Variants in CACNG7 observed in about 807,000 individuals in gnomAD.
CACNG7 encodes the protein voltage-dependent calcium channel gamma-7 subunit.
A neutral mutation model predicts 26.3 loss-of-function variants in CACNG7; 9 were observed. The ratio of observed to expected loss-of-function variants is 0.34; its 90% confidence interval spans 0.21 to 0.60. The LOEUF (loss-of-function observed/expected upper bound fraction) is 0.60. Among genes scored for constraint, CACNG7 ranks in the 20% least tolerant of loss-of-function variants. The probability of loss-of-function intolerance (pLI) is 0.81; values close to 1 mark genes in which losing one functional copy is unlikely to be tolerated. For missense variants in CACNG7, 297 were observed against 380.4 expected, an observed-to-expected ratio of 0.78 and a Z score of 1.82; for synonymous variants, 170 against 157.0, an observed-to-expected ratio of 1.08 and a Z score of -0.62.
At chr19:53,913,318 A>AT (rs2068872506) in intron 2 of CACNG7, among the ~76,000 whole-genome samples, 1 of 151,260 alleles carries the variant, frequency 6.6e-6, no homozygotes. Flanking sequence ...AATGGGCAAG[A>AT]TTAAAAAAAA....
chr19:53,923,359 GCCCCAGGTCTGGTCATTGGTGGAGTTGT>G (rs1568776222), intron 4 of CACNG7, among the ~76,000 whole-genome samples: 1 of 86,650 alleles, frequency 1.2e-5, no homozygotes, highest in African/African-American at 6.5e-5. Context: ...TGGTGGAGTT[GCCCCAGGTCTGGTCATTGGTGGAGTTGT>G]CCCCAGGTCT....
Position 53,922,336 on chromosome 19 carries a change from GT to G in CACNG7, c.424+6832del, listed in dbSNP as rs527515086. 3.5e-4 allele frequency among the ~76,000 whole-genome samples: 31 copies of G among 88,312 alleles called. 5 individuals are homozygous for G. Among genetic ancestry groups the G allele is most frequent in the African/African-American group, 1.6e-3 (28 of 17,478 alleles). 57.9% of individuals were successfully genotyped at this position (88,312 alleles called of 152,430 possible). ...CCCAGGTCTGGTCATTGGTGGAGTTGTCCCCAGGCCTGGTCATTGGTGGAGT... is the reference window on the plus strand; with the variant it reads ...CCCAGGTCTGGTCATTGGTGGAGTTGCCCCAGGCCTGGTCATTGGTGGAGT... On this transcript the variant is annotated intron_variant, in intron 4 of 5. Coordinates refer to ENST00000391767, the MANE Select transcript of CACNG7 (RefSeq NM_031896.5).
Position 53,909,692 on chromosome 19 carries a change from C to A in CACNG7, c.-30+175C>A, listed in dbSNP as rs1422833322. Among the ~76,000 whole-genome samples, 1 of 152,152 alleles carries A rather than the reference C, an allele frequency of 6.6e-6. No homozygotes were observed. The highest frequency in any genetic ancestry group is 1.5e-5 in the Non-Finnish European group (1 of 68,014). On this transcript the variant is annotated intron_variant, in intron 1 of 5. Coordinates refer to ENST00000391767, the MANE Select transcript of CACNG7 (RefSeq NM_031896.5). This position sits in a 1 kb window ranked among gnomAD's most constrained non-coding sequence, Gnocchi z 5.1. The stretch of plus-strand genomic sequence containing the variant: ...TGCAGGGACACCTGGGCCTGGCGAT[C>A]CCGGAGGACGGGGTCCGAGGGTCCC...
At chr19:53,914,273 C>CAAAAAAAAA (rs376053657) in intron 2 of CACNG7, among the ~76,000 whole-genome samples, 2 of 107,294 alleles carry the variant, frequency 1.9e-5, no homozygotes, top group East Asian at 2.6e-4. Flanking sequence ...GACTCCATCT[C>CAAAAAAAAA]AAAAAAAAAA....
chr19:53,918,285 C>T (rs955206680), intron 4 of CACNG7, among the ~76,000 whole-genome samples: 1 of 152,168 alleles, frequency 6.6e-6, no homozygotes, highest in Admixed American at 6.5e-5. Flanking sequence ...ATATTTTAGG[C>T]TACGTGAGCC....
Position 53,912,172 on chromosome 19 carries a change from C to T in CACNG7, c.-29-631C>T, listed in dbSNP as rs533478126. The stretch of plus-strand genomic sequence containing the variant: ...ATGCCCTGTGCTCTGGGATCTAGGT[C>T]CTGGCTCAGAGTTGAGGTTATTGAT... On this transcript the variant is annotated intron_variant, in intron 1 of 5. Coordinates refer to ENST00000391767, the MANE Select transcript of CACNG7 (RefSeq NM_031896.5). This position sits in a 1 kb window ranked among gnomAD's most constrained non-coding sequence, Gnocchi z 4.6. 8.5e-4 allele frequency among the ~76,000 whole-genome samples: 130 copies of T among 152,208 alleles called. 1 individual carries two copies. The highest frequency in any genetic ancestry group is 2.9e-3 in the African/African-American group (121 of 41,538).
At chr19:53,931,600 A>G (rs1012296629) in intron 4 of CACNG7, among the ~76,000 whole-genome samples, 5 of 149,444 alleles carry the variant, frequency 3.3e-5, no homozygotes, top group African/African-American at 1.2e-4. Context: ...AGGCAGGAGA[A>G]TCGCTTGAAC....
At chr19:53,918,625 G>T (rs895881902) in intron 4 of CACNG7, among the ~76,000 whole-genome samples, 1 of 152,160 alleles carries the variant, frequency 6.6e-6, no homozygotes, top group African/African-American at 2.4e-5. Flanking sequence ...GTAACAGTAA[G>T]CACTGAACAC....
Position 53,927,762 on chromosome 19 carries a change from C to A in CACNG7, c.424+12257C>A, listed in dbSNP as rs7250847. 6.6e-5 allele frequency among the ~76,000 whole-genome samples: 10 copies of A among 150,410 alleles called. No individual in the cohort carries two copies. The South Asian group carries it at 1.1e-3, about 16-fold the overall frequency. Reference sequence around the variant, plus strand: ...CTGAGGCAGGAGAATCGCTTGAACCCGGGAGGCGGAGGTTGCAGTGAGCCG... The same window carrying A: ...CTGAGGCAGGAGAATCGCTTGAACCAGGGAGGCGGAGGTTGCAGTGAGCCG... On this transcript the variant is annotated intron_variant, in intron 4 of 5. Transcript: ENST00000391767.
At chr19:53,941,767 G>A in intron 5 of CACNG7, 152 bp downstream of exon 5, 1 of 1,023,624 alleles carries the variant, frequency 9.8e-7, no homozygotes, top group Non-Finnish European at 1.4e-6. Flanking sequence ...GGGTCCTGGA[G>A]GAAGAGGGGT....
intron 4 of CACNG7, among the ~76,000 whole-genome samples, chr19:53,919,611 C>T (rs2068923482): frequency 1.4e-5 from 2 of 143,128 alleles, no homozygotes; most frequent in African/African-American, 5.5e-5. Flanking sequence ...GTGGAGTTGC[C>T]CCAGGCTGGT....
rs895243180 is a variant in CACNG7, at chr19:53,916,363, A to C, written c.424+858A>C. Among the ~76,000 whole-genome samples, 42 of 70,100 alleles carry C rather than the reference A, an allele frequency of 6.0e-4. No individual in the cohort carries two copies. In the African/African-American group the frequency reaches 0.015, roughly 25 times the overall value. 46.0% of individuals were successfully genotyped at this position (70,100 alleles called of 152,430 possible). ...TGGGGGTACCAAGGCCCAGAATTGC[A>C]TAGAGAGTTGCCCATAAGTACCAAG... On this transcript the variant is annotated intron_variant, in intron 4 of 5. Coordinates refer to ENST00000391767, the MANE Select transcript of CACNG7 (RefSeq NM_031896.5).
rs1381607360 is a variant in CACNG7 at position 53,929,111 on chromosome 19, CAAAAAAAAAACAAA to C, written c.425-12348_425-12335del. 1.1e-3 allele frequency among the ~76,000 whole-genome samples: 41 copies of C among 36,500 alleles called. 1 individual carries two copies. Among genetic ancestry groups the C allele is most frequent in the African/African-American group, 5.2e-3 (39 of 7,556 alleles). 23.9% of individuals were successfully genotyped at this position (36,500 alleles called of 152,430 possible). Reference sequence around the variant, plus strand: ...TGGGTGACACAGTGAGACTCCACCTCAAAAAAAAAACAAAAAAAAAAAAAAAAGAGAGAATAAGG... The same window carrying C: ...TGGGTGACACAGTGAGACTCCACCTCAAAAAAAAAAAAAGAGAGAATAAGG... On this transcript the variant is annotated intron_variant, in intron 4 of 5. Transcript: ENST00000391767.
rs999084417 is a variant in CACNG7, at chr19:53,912,661, G to A, written c.-29-142G>A. ...GTCAGACTCTAGGGTTGGGGTCATG[G>A]GTCAGGCCACGGAGGTCAGATCTGA... On this transcript the variant is annotated intron_variant, in intron 1 of 5. Coordinates refer to ENST00000391767, the MANE Select transcript of CACNG7 (RefSeq NM_031896.5). The surrounding 1 kb of genome is among the most constrained non-coding windows in gnomAD (Gnocchi z 4.6). The A allele has an allele frequency of 1.6e-6, 1 of 640,744 alleles. No individual in the cohort carries two copies. The highest frequency in any genetic ancestry group is 2.8e-5 in the East Asian group (1 of 36,200). The allele number at this position is 640,744 out of a possible 1,614,324, so 39.7% of individuals were successfully genotyped here. A position where few individuals can be genotyped will look rare whatever the true frequency, so the allele number is the denominator to read the frequency against.
intron 4 of CACNG7, among the ~76,000 whole-genome samples, chr19:53,922,326 TGGTGGAGTTGTCCCCAGGC>T (rs2068966825): frequency 1.1e-5 from 1 of 94,144 alleles, no homozygotes; most frequent in Non-Finnish European, 2.1e-5. Flanking sequence ...GTCTGGTCAT[TGGTGGAGTTGTCCCCAGGC>T]CTGGTCATTG....
intron 4 of CACNG7, among the ~76,000 whole-genome samples, chr19:53,927,851 A>AG (rs1311444173): frequency 6.9e-6 from 1 of 145,188 alleles, no homozygotes; most frequent in African/African-American, 2.8e-5. Context: ...AAAAAAAAAA[A>AG]AAGGAAAGAA....
chr19:53,922,912 T>G (rs2068975154), intron 4 of CACNG7, among the ~76,000 whole-genome samples: 1 of 85,064 alleles, frequency 1.2e-5, no homozygotes, highest in South Asian at 4.3e-4. Context: ...GCCCCAGGCC[T>G]GGTCATTGGT....
chr19:53,918,604 C>T (rs2068913550), intron 4 of CACNG7, among the ~76,000 whole-genome samples: 1 of 152,156 alleles, frequency 6.6e-6, no homozygotes, highest in African/African-American at 2.4e-5. Flanking sequence ...ATCCGACCCA[C>T]TGCCTGGACT....
At position 53,937,161 on chromosome 19, in the gene CACNG7, A is replaced by G. The variant is rs146939802; in HGVS notation, c.425-4309A>G. Among the ~76,000 whole-genome samples the G allele has an allele frequency of 9.5e-3, 1,449 of 152,202 alleles. 16 individuals carry two copies. Among genetic ancestry groups the G allele is most frequent in the South Asian group, 0.033 (157 of 4,824 alleles). On this transcript the variant is annotated intron_variant, in intron 4 of 5. Coordinates refer to ENST00000391767, the MANE Select transcript of CACNG7 (RefSeq NM_031896.5). ...CACCTCGGCCTCCCGAGGTGCGGAG[A>G]TTCCACTCATGAGCCACGGTGCCCA...
Sources: allele counts gnomAD v4.1 joint callset (sites outside exome capture counted in the v4.1 genomes callset), GRCh38; gene constraint gnomAD v4.1.1; non-coding constraint Gnocchi (gnomAD v3.1); transcripts MANE v1.5; gene names NCBI Gene and HGNC (gene_info 2026-07-23, HGNC 2026-07-21).